Variants in EDA2R observed in about 807,000 individuals in gnomAD.
EDA2R encodes ectodysplasin A2 receptor.
A neutral mutation model predicts 20.1 loss-of-function variants in EDA2R; 26 were observed. The observed-to-expected ratio is 1.30, with a 90% CI of 0.95 to 1.80. The LOEUF (loss-of-function observed/expected upper bound fraction) is 1.80. EDA2R is among the 40% of genes most tolerant of loss of function. The pLI is 0.00. For missense variants in EDA2R, 277 were observed against 228.7 expected (o/e 1.21, Z -1.36); for synonymous variants, 114 against 88.7 (o/e 1.29, Z -1.60).
intron 6 of EDA2R, 24 bp from the exon 7 acceptor site, chrX:66,598,117 A>C (rs1420028300): frequency 1.3e-6 from 1 of 796,922 alleles, no homozygotes; most frequent in Non-Finnish European, 1.7e-6. Context: ...AAACCAAGTT[A>C]GAAACATGTG....
At chrX:66,638,831 C>T (rs1288545257) in intron 1 of EDA2R, among the ~76,000 whole-genome samples, 164 bp downstream of exon 1, 2 of 111,030 alleles carry the variant, frequency 1.8e-5, no homozygotes, top group African/African-American at 6.6e-5. Context: ...AAGCGCTCTC[C>T]GGACACAAAT....
At chrX:66,618,949 T>C (rs1020548539) in intron 1 of EDA2R, among the ~76,000 whole-genome samples, 10 of 112,433 alleles carry the variant, frequency 8.9e-5, no homozygotes, top group Admixed American at 5.7e-4. Flanking sequence ...CACAGTAATT[T>C]AGAAAATTAA....
At chrX:66,604,231 T>G (rs895419046) in intron 4 of EDA2R, among the ~76,000 whole-genome samples, 190 bp downstream of exon 4, 9 of 111,593 alleles carry the variant, frequency 8.1e-5, no homozygotes, top group African/African-American at 2.9e-4. Context: ...GGAAATGAGG[T>G]TCAATGAGAT....
Position 66,595,640 on chromosome X carries a change from T to C in EDA2R, c.*2464A>G, listed in dbSNP as rs1927305728. On this transcript the variant is annotated 3_prime_UTR_variant, in exon 7 of 7. Transcript: ENST00000374719. ...GAAAGTAGAGGAATAAACAAGGTTTTTGGATATATTTCTGTTTATTGGCCA... is the reference window on the plus strand; with the variant it reads ...GAAAGTAGAGGAATAAACAAGGTTTCTGGATATATTTCTGTTTATTGGCCA... 1 of 112,221 alleles carries C rather than the reference T, an allele frequency of 8.9e-6. No homozygotes were observed. The highest frequency in any genetic ancestry group is 3.2e-5 in the African/African-American group (1 of 30,868). 9.2% of individuals were successfully genotyped at this position (112,221 alleles called of 1,213,427 possible).
intron 2 of EDA2R, among the ~76,000 whole-genome samples, 160 bp downstream of exon 2, chrX:66,615,774 G>T (rs1358086635): frequency 8.9e-6 from 1 of 111,754 alleles, no homozygotes; most frequent in East Asian, 2.8e-4. Context: ...CTTCATGCTG[G>T]AATCATGACT....
chrX:66,615,838 T>C (rs1430018924), intron 2 of EDA2R, 96 bp downstream of exon 2: 1 of 632,100 alleles, frequency 1.6e-6, no homozygotes, highest in African/African-American at 2.2e-5. Flanking sequence ...GGATCAGTCA[T>C]AAGTAGGGCT....
rs1569217535 is a variant in EDA2R at position 66,597,677 on chromosome X, G to A, written c.*427C>T. Reference sequence around the variant, plus strand: ...TGTGTGTGTGTGTGTGTTGAGGAGGGAGACAGTGTGGAGGAGCTAAAAGGG... The same window carrying A: ...TGTGTGTGTGTGTGTGTTGAGGAGGAAGACAGTGTGGAGGAGCTAAAAGGG... On this transcript the variant is annotated 3_prime_UTR_variant, in exon 7 of 7. Transcript: ENST00000374719. 7.7e-6 allele frequency: 1 copy of A among 130,250 alleles called. No homozygotes were observed. The highest frequency in any genetic ancestry group is 1.5e-5 in the Non-Finnish European group (1 of 65,072). 10.7% of individuals were successfully genotyped at this position (130,250 alleles called of 1,213,427 possible).
rs566519853 is a variant in EDA2R at position 66,609,436 on chromosome X, T to G, written c.88-4210A>C. Among the ~76,000 whole-genome samples the G allele has an allele frequency of 9.9e-5, 11 of 111,611 alleles. 1 individual carries two copies. The South Asian group carries it at 4.2e-3, about 42-fold the overall frequency. On this transcript the variant is annotated intron_variant, in intron 2 of 6. Transcript: ENST00000374719. ...TCCCATCTACCAATGGGATCTGACA[T>G]GGGCAGTAGTCATTTTACTCATGCT...
chrX:66,630,822 T>TATACAC lies in EDA2R; in HGVS notation c.-11+8172_-11+8173insGTGTAT, dbSNP rs1555959605. Among the ~76,000 whole-genome samples the TATACAC allele has an allele frequency of 5.2e-4, 49 of 93,692 alleles. No individual in the cohort carries two copies. In the East Asian group the frequency reaches 0.011, roughly 20 times the overall value. 81.4% of individuals were successfully genotyped at this position (93,692 alleles called of 115,157 possible). A position where few individuals can be genotyped will look rare whatever the true frequency, so the allele number is the denominator to read the frequency against. On this transcript the variant is annotated intron_variant, in intron 1 of 6. Transcript: ENST00000374719. ...AACTAAAAAGAATCATATATATATATACACACACACACACACACACACACA... is the reference window on the plus strand; with the variant it reads ...AACTAAAAAGAATCATATATATATATATACACACACACACACACACACACACACACA...
chrX:66,616,638 G>A (rs771016324), intron 1 of EDA2R, among the ~76,000 whole-genome samples: 29 of 112,523 alleles, frequency 2.6e-4, no homozygotes, highest in Admixed American at 9.4e-5. Context: ...AGGCAGAATG[G>A]GAGGGGAGAA....
rs1166635812 is a variant in EDA2R at position 66,596,781 on chromosome X, C to G, written c.*1323G>C. On this transcript the variant is annotated 3_prime_UTR_variant, in exon 7 of 7. Transcript: ENST00000374719. ...CAAAAACAAAAAAAAAACAGGAAAC[C>G]TAAAGGCCAAGGCCTAAAACCTTGG... 1 of 111,936 alleles carries G rather than the reference C, an allele frequency of 8.9e-6. No individual in the cohort carries two copies. Among genetic ancestry groups the G allele is most frequent in the Non-Finnish European group, 1.9e-5 (1 of 53,224 alleles). The allele number at this position is 111,936 out of a possible 1,213,427, so 9.2% of individuals were successfully genotyped here.
At chrX:66,607,144 G>A (rs1168446272) in intron 2 of EDA2R, among the ~76,000 whole-genome samples, 2 of 112,021 alleles carry the variant, frequency 1.8e-5, no homozygotes, top group African/African-American at 6.5e-5. Flanking sequence ...GAGACCTAAA[G>A]CTTACATGTC....
At chrX:66,600,059 C>T in intron 5 of EDA2R, 199 bp from the exon 6 acceptor site, 1 of 1,161,503 alleles carries the variant, frequency 8.6e-7, no homozygotes. Context: ...CAGATTGAGG[C>T]TAGCTGGTAC....
At chrX:66,620,537 G>T (rs1932424310) in intron 1 of EDA2R, among the ~76,000 whole-genome samples, 1 of 111,586 alleles carries the variant, frequency 9.0e-6, no homozygotes, top group Non-Finnish European at 1.9e-5. Flanking sequence ...TGTAATTAAT[G>T]TTTTTCTTAT....
chrX:66,599,000 C>T (rs1004276750), intron 6 of EDA2R, among the ~76,000 whole-genome samples: 1 of 111,853 alleles, frequency 8.9e-6, no homozygotes. Flanking sequence ...ACTAACTTTC[C>T]CTCTCTGTGT....
intron 1 of EDA2R, among the ~76,000 whole-genome samples, chrX:66,633,415 G>T (rs1166329497): frequency 1.8e-5 from 2 of 111,766 alleles, no homozygotes; most frequent in Non-Finnish European, 3.8e-5. Flanking sequence ...GAGGGAAAAC[G>T]TTCTTCTACT....
intron 1 of EDA2R, among the ~76,000 whole-genome samples, chrX:66,634,593 G>A (rs1433945703): frequency 1.8e-5 from 2 of 111,090 alleles, no homozygotes; most frequent in African/African-American, 3.3e-5. Flanking sequence ...GTATTATTCA[G>A]GACAACTTAA....
At chrX:66,622,590 T>A (rs1172769990) in intron 1 of EDA2R, among the ~76,000 whole-genome samples, 3 of 111,905 alleles carry the variant, frequency 2.7e-5, no homozygotes, top group Non-Finnish European at 3.8e-5. Flanking sequence ...GCCTTGCCCA[T>A]TCCTCTACTG....
intron 1 of EDA2R, among the ~76,000 whole-genome samples, chrX:66,631,017 A>ATACATATACACACACATGTGTGTATATG (rs1933739784): frequency 9.1e-6 from 1 of 109,957 alleles, no homozygotes; most frequent in African/African-American, 3.3e-5. Context: ...GTGTGTATAT[A>ATACATATACACACACATGTGTGTATATG]TACATATACA....
Sources: gnomAD v4.1 joint callset for allele counts (sites outside exome capture counted in the v4.1 genomes callset) on GRCh38, gnomAD v4.1.1 for gene constraint, MANE v1.5 for transcripts, NCBI Gene and HGNC (gene_info 2026-07-23, HGNC 2026-07-21) for gene names.